TOX: variants seen among roughly 807,000 people sequenced by gnomAD.
TOX encodes thymocyte selection-associated high mobility group box protein TOX.
TOX carries 11 observed loss-of-function variants against 53.7 expected under a neutral mutation model. The ratio of observed to expected loss-of-function variants is 0.20; its 90% CI spans 0.13 to 0.34. The LOEUF (loss-of-function observed/expected upper bound fraction) is 0.34. Ranked by LOEUF, TOX falls within the 10% of genes least tolerant of loss-of-function variation. TOX has a pLI of 1.00. For synonymous variants in TOX, 225 were observed against 245.3 expected (o/e 0.92, Z 0.77); for missense variants, 570 against 664.6 (o/e 0.86, Z 1.56).
intron 3 of TOX, among the ~76,000 whole-genome samples, chr8:58,855,984 C>T (rs1488818076): frequency 2.6e-5 from 4 of 152,160 alleles, no homozygotes; most frequent in Non-Finnish European, 5.9e-5. Context: ...CTTATTGATC[C>T]TTGTAACTTC....
intron 3 of TOX, among the ~76,000 whole-genome samples, chr8:58,886,199 T>G (rs768840765): frequency 1.2e-4 from 18 of 152,248 alleles, no homozygotes; most frequent in Non-Finnish European, 2.2e-4. Flanking sequence ...TAGCCTTCAC[T>G]GAGAAGAATG....
At chr8:59,084,861 C>T (rs568678480) in intron 1 of TOX, among the ~76,000 whole-genome samples, 1 of 152,176 alleles carries the variant, frequency 6.6e-6, no homozygotes, top group African/African-American at 2.4e-5. Context: ...CAGTAAAATA[C>T]CCACAAATTT....
chr8:58,994,076 C>T (rs910385002), intron 1 of TOX, among the ~76,000 whole-genome samples: 3 of 152,082 alleles, frequency 2.0e-5, no homozygotes, highest in African/African-American at 4.8e-5. Flanking sequence ...CTAAAACAGC[C>T]AGAAAGTGCA....
At chr8:59,049,671 C>A (rs1336894509) in intron 1 of TOX, among the ~76,000 whole-genome samples, 1 of 152,008 alleles carries the variant, frequency 6.6e-6, no homozygotes, top group Non-Finnish European at 1.5e-5. Flanking sequence ...ATTTTAAATC[C>A]CTTGTAAAAA....
chr8:59,071,014 G>A (rs1047496143), intron 1 of TOX, among the ~76,000 whole-genome samples: 14 of 152,160 alleles, frequency 9.2e-5, no homozygotes, highest in African/African-American at 3.4e-4. Context: ...CAGACAGAGA[G>A]TGCACCTACA....
Position 59,119,137 on chromosome 8 carries a change from A to T in TOX, c.-150T>A. The T allele has an allele frequency of 2.0e-6, 1 of 499,206 alleles. No individual in the cohort carries two copies. Among genetic ancestry groups the T allele is most frequent in the Non-Finnish European group, 3.4e-6 (1 of 290,384 alleles). 30.9% of individuals were successfully genotyped at this position (499,206 alleles called of 1,614,324 possible). A position where few individuals can be genotyped will look rare whatever the true frequency, so the allele number is the denominator to read the frequency against. On this transcript the variant is annotated 5_prime_UTR_variant, in exon 1 of 9. Transcript: ENST00000361421. ...CCTCACATCCGTTTGTGGTTTGTTT[A>T]AGAAGAAGAGGAAAAAAAAAAAAAA...
At chr8:58,962,635 G>A (rs112926550) in intron 1 of TOX, among the ~76,000 whole-genome samples, 1 of 152,290 alleles carries the variant, frequency 6.6e-6, no homozygotes, top group Non-Finnish European at 1.5e-5. Flanking sequence ...AAAGCAGAGT[G>A]ATGACATTAT....
chr8:58,908,588 T>C (rs749335556), intron 3 of TOX, among the ~76,000 whole-genome samples: 11 of 152,334 alleles, frequency 7.2e-5, no homozygotes, highest in Non-Finnish European at 1.0e-4. Flanking sequence ...CTTCTATGTT[T>C]CTTAAGCAAT....
chr8:58,876,642 GAA>G (rs1310847605), intron 3 of TOX, among the ~76,000 whole-genome samples: 2 of 152,178 alleles, frequency 1.3e-5, no homozygotes, highest in Non-Finnish European at 2.9e-5. Flanking sequence ...TGCGGAGGCT[GAA>G]AAGATACAGA....
chr8:58,886,434 C>T (rs774343971), intron 3 of TOX, among the ~76,000 whole-genome samples: 11 of 152,094 alleles, frequency 7.2e-5, no homozygotes, highest in Non-Finnish European at 1.5e-4. Flanking sequence ...CTTGCTGAGA[C>T]ACAACCAGGG....
intron 3 of TOX, among the ~76,000 whole-genome samples, chr8:58,881,973 C>T (rs555658408): frequency 1.6e-4 from 24 of 152,276 alleles, no homozygotes; most frequent in East Asian, 3.9e-4. Flanking sequence ...TTAGCCTTTG[C>T]GGTAACTTTA....
rs568436017 is a variant in TOX at position 58,971,851 on chromosome 8, C to G, written c.103-11843G>C. Among the ~76,000 whole-genome samples, 107 of 152,216 alleles carry G rather than the reference C, an allele frequency of 7.0e-4. 1 individual carries two copies. Among genetic ancestry groups the G allele is most frequent in the African/African-American group, 2.4e-3 (99 of 41,538 alleles). On this transcript the variant is annotated intron_variant, in intron 1 of 8. Coordinates refer to ENST00000361421, the MANE Select transcript of TOX (RefSeq NM_014729.3). ...GACTACCGGCATGCACCACCATTAC[C>G]AACTAATTTTTGTATTTTTGGTAGA...
chr8:58,912,016 T>C (rs1249587225), intron 3 of TOX, among the ~76,000 whole-genome samples: 2 of 152,214 alleles, frequency 1.3e-5, no homozygotes, highest in Non-Finnish European at 1.5e-5. Context: ...TACTTTTCAA[T>C]GCAGCTCCCC....
At chr8:58,834,426 G>A (rs189928595) in intron 5 of TOX, among the ~76,000 whole-genome samples, 2 of 152,252 alleles carry the variant, frequency 1.3e-5, no homozygotes, top group Admixed American at 1.3e-4. Context: ...CTCCAGGAAC[G>A]TTCTTTTAAA....
At chr8:59,048,650 A>C (rs1803731929) in intron 1 of TOX, among the ~76,000 whole-genome samples, 1 of 152,172 alleles carries the variant, frequency 6.6e-6, no homozygotes, top group African/African-American at 2.4e-5. Flanking sequence ...ACCTATGGCT[A>C]ATTTTAATTC....
chr8:58,914,792 G>C (rs953501274), intron 3 of TOX, among the ~76,000 whole-genome samples: 3 of 151,858 alleles, frequency 2.0e-5, no homozygotes, highest in East Asian at 1.9e-4. Context: ...CTGAGGTACC[G>C]GGTTCATCTC....
chr8:58,880,587 T>C (rs972356669), intron 3 of TOX, among the ~76,000 whole-genome samples: 9 of 152,110 alleles, frequency 5.9e-5, no homozygotes, highest in Non-Finnish European at 8.8e-5. Context: ...GCAGGCATTC[T>C]CTCTCTTTCT....
At chr8:58,811,709 A>AT (rs1237035362) in intron 7 of TOX, among the ~76,000 whole-genome samples, 2 of 152,032 alleles carry the variant, frequency 1.3e-5, no homozygotes, top group Admixed American at 6.6e-5. Flanking sequence ...TCATACAAAG[A>AT]TTTTTTCTTA....
In TOX at chr8:58,869,357, T is replaced by C. The variant is rs558530408; in HGVS notation, c.412-17552A>G. The stretch of plus-strand genomic sequence containing the variant: ...TACTAAAACTCATACAAAGAGAAAC[T>C]GACATCCCAAATAATCCTTTACTTG... On this transcript the variant is annotated intron_variant, in intron 3 of 8. Transcript: ENST00000361421. 6.6e-5 allele frequency among the ~76,000 whole-genome samples: 10 copies of C among 152,032 alleles called. No homozygotes were observed. The South Asian group carries it at 2.1e-3, about 32-fold the overall frequency.
Sources: allele counts gnomAD v4.1 joint callset (sites outside exome capture counted in the v4.1 genomes callset), GRCh38; gene constraint gnomAD v4.1.1; transcripts MANE v1.5; gene names NCBI Gene and HGNC (gene_info 2026-07-23, HGNC 2026-07-21).